Variants in FRMD4B observed in about 807,000 individuals in gnomAD.
FRMD4B encodes FERM domain containing 4B.
Under a neutral mutation model 141.5 loss-of-function variants are expected in FRMD4B, and 74 were observed. The observed-to-expected ratio is 0.52, with a 90% CI of 0.43 to 0.63. The LOEUF (loss-of-function observed/expected upper bound fraction) is 0.63. Ranked by LOEUF, FRMD4B falls within the 30% of genes least tolerant of loss-of-function variation. The probability of loss-of-function intolerance (pLI) is 0.00; values close to 1 mark genes in which losing one functional copy is unlikely to be tolerated. For missense variants in FRMD4B, 1,366 were observed against 1,253.4 expected, an observed-to-expected ratio of 1.09 and a Z score of -1.36; for synonymous variants, 506 against 467.9, an observed-to-expected ratio of 1.08 and a Z score of -1.05.
chr3:69,385,656 G>A (rs879634521), intron 1 of FRMD4B, among the ~76,000 whole-genome samples, 172 bp downstream of exon 1: 62 of 152,132 alleles, frequency 4.1e-4, no homozygotes, highest in Non-Finnish European at 6.5e-4. Flanking sequence ...AAATTCACAA[G>A]CTCTGTCAAG....
At chr3:69,464,833 A>T (rs1279779098) in intron 1 of FRMD4B, among the ~76,000 whole-genome samples, 2 of 152,226 alleles carry the variant, frequency 1.3e-5, no homozygotes, top group Non-Finnish European at 2.9e-5. Context: ...CAGAACACTG[A>T]ATTACAACAC....
chr3:69,218,353 G>T lies in FRMD4B; in HGVS notation c.758C>A (p.Pro253Gln), dbSNP rs370076201. ...TGCATAATAATGGACACCGTAAGTC[G>T]GTAGAGCTTCTACTATTTTCATATA... ...VQYMKIVEAL[P>Q]TYGVHYYAVK... is the part of the protein sequence containing the mutation. Residue 253 changes from proline to glutamine, a missense_variant, in exon 10 of 23, where the codon CCG becomes CAG. Pro to Gln is a moderately conservative substitution (Grantham distance 76). Coordinates refer to ENST00000398540, the MANE Select transcript of FRMD4B (RefSeq NM_015123.3). 2 of 1,504,848 alleles carry T rather than the reference G, an allele frequency of 1.3e-6. No individual in the cohort carries two copies. The highest frequency in any genetic ancestry group is 1.4e-5 in the African/African-American group (1 of 72,644). The allele number at this position is 1,504,848 out of a possible 1,614,324, so 93.2% of individuals were successfully genotyped here. A position where few individuals can be genotyped will look rare whatever the true frequency, so the allele number is the denominator to read the frequency against.
chr3:69,198,891 CA>C, intron 11 of FRMD4B, 117 bp from the exon 12 acceptor site: 1 of 644,914 alleles, frequency 1.6e-6, no homozygotes, highest in Non-Finnish European at 2.8e-6. Flanking sequence ...TACGATGAAA[CA>C]TGAATATGTG....
intron 7 of FRMD4B, among the ~76,000 whole-genome samples, chr3:69,241,393 C>A (rs148246603): frequency 6.6e-6 from 1 of 152,254 alleles, no homozygotes; most frequent in African/African-American, 2.4e-5. Flanking sequence ...GAAAACTTAG[C>A]CAAGAGAACT....
chr3:69,216,427 C>T (rs2093141746), intron 10 of FRMD4B, 78 bp from the exon 11 acceptor site: 2 of 607,964 alleles, frequency 3.3e-6, no homozygotes, highest in Non-Finnish European at 5.7e-6. Context: ...CCAATTTCAC[C>T]TCTTTTTTTT....
chr3:69,192,659 T>G (rs2092850907), intron 17 of FRMD4B, among the ~76,000 whole-genome samples: 1 of 152,212 alleles, frequency 6.6e-6, no homozygotes, highest in Admixed American at 6.5e-5. Flanking sequence ...TACTTGAAAT[T>G]TCACAACTGT....
At chr3:69,532,871 G>A (rs1010629187) in intron 1 of FRMD4B, among the ~76,000 whole-genome samples, 1 of 152,236 alleles carries the variant, frequency 6.6e-6, no homozygotes, top group African/African-American at 2.4e-5. Context: ...ATAAGCACCA[G>A]CTAGAAGATG....
In FRMD4B at chr3:69,466,184, G is replaced by A. The variant is rs144504587; in HGVS notation, c.-128-33423C>T. On this transcript the variant is annotated intron_variant, in intron 1 of 5. Coordinates refer to the FRMD4B transcript ENST00000459638. ...TCATGTGTCTGTTGGCTACATAAAC[G>A]TCTTCTTTTGAGAAGTGTCTGTTCA... Among the ~76,000 whole-genome samples the A allele has an allele frequency of 3.7e-4, 57 of 152,128 alleles. 1 individual carries two copies. The East Asian group carries it at 8.3e-3, about 22-fold the overall frequency.
chr3:69,193,322 G>A (rs548161294), intron 17 of FRMD4B, among the ~76,000 whole-genome samples: 11 of 152,182 alleles, frequency 7.2e-5, no homozygotes, highest in South Asian at 2.1e-4. Flanking sequence ...CAGCCTGACC[G>A]AGATGGTGAA....
At chr3:69,252,465 G>A (rs916613838) in intron 5 of FRMD4B, among the ~76,000 whole-genome samples, 1 of 152,126 alleles carries the variant, frequency 6.6e-6, no homozygotes, top group South Asian at 2.1e-4. Flanking sequence ...TTTGGCAAAG[G>A]CCCATATTCT....
At chr3:69,340,463 T>A (rs11128125) in intron 1 of FRMD4B, among the ~76,000 whole-genome samples, 21,125 of 152,150 alleles carry the variant, frequency 0.14, 1,884 homozygotes, top group African/African-American at 0.24. Context: ...ACCAGCTCCA[T>A]TGATGTTTTT....
intron 5 of FRMD4B, among the ~76,000 whole-genome samples, chr3:69,285,512 C>T (rs550594599): frequency 3.3e-5 from 5 of 151,626 alleles, no homozygotes; most frequent in African/African-American, 1.2e-4. Context: ...TACACAAACA[C>T]ATGAAGAAAG....
intron 1 of FRMD4B, among the ~76,000 whole-genome samples, chr3:69,488,609 G>A (rs745654056): frequency 6.6e-6 from 1 of 152,028 alleles, no homozygotes; most frequent in Non-Finnish European, 1.5e-5. Context: ...AGCTATAAAA[G>A]TTTAAGGTAT....
intron 2 of FRMD4B, among the ~76,000 whole-genome samples, chr3:69,397,398 T>C (rs138272826): frequency 0.012 from 1,851 of 152,276 alleles, 22 homozygotes; most frequent in Middle Eastern, 0.075. Flanking sequence ...TGAAATTAGA[T>C]AATGGGGATA....
At chr3:69,266,634 AG>A (rs1311176239) in intron 5 of FRMD4B, among the ~76,000 whole-genome samples, 1 of 152,144 alleles carries the variant, frequency 6.6e-6, no homozygotes, top group Non-Finnish European at 1.5e-5. Context: ...CCTGAAAAAT[AG>A]TTTTTAAAAA....
intron 5 of FRMD4B, among the ~76,000 whole-genome samples, chr3:69,258,920 T>C (rs1329012549): frequency 2.0e-5 from 3 of 152,200 alleles, no homozygotes; most frequent in Non-Finnish European, 4.4e-5. Context: ...GGAGCAGCAG[T>C]CCTCAGCCTT....
At chr3:69,520,076 T>C (rs1427577973) in intron 1 of FRMD4B, among the ~76,000 whole-genome samples, 2 of 136,736 alleles carry the variant, frequency 1.5e-5, no homozygotes, top group African/African-American at 5.6e-5. Flanking sequence ...GGAATATATA[T>C]ATATGATGGA....
intron 1 of FRMD4B, among the ~76,000 whole-genome samples, chr3:69,349,361 A>G (rs1395936276): frequency 1.3e-5 from 2 of 152,208 alleles, no homozygotes; most frequent in African/African-American, 4.8e-5. Context: ...ATGCTCATGG[A>G]TAGGAAGAAT....
At chr3:69,246,715 T>C (rs1368372745) in intron 7 of FRMD4B, among the ~76,000 whole-genome samples, 1 of 152,170 alleles carries the variant, frequency 6.6e-6, no homozygotes, top group Non-Finnish European at 1.5e-5. Flanking sequence ...CTGCGTGATT[T>C]CCAGTCCCAC....
Sources: allele counts gnomAD v4.1 joint callset (sites outside exome capture counted in the v4.1 genomes callset), GRCh38; gene constraint gnomAD v4.1.1; transcripts MANE v1.5; gene names NCBI Gene and HGNC (gene_info 2026-07-23, HGNC 2026-07-21).